The following FTO variants were observed in gnomAD, a reference collection of about 807,000 sequenced individuals.
FTO encodes alpha-ketoglutarate-dependent dioxygenase FTO.
FTO carries 47 observed loss-of-function variants against 63.9 expected under a neutral mutation model. That is an observed-to-expected ratio of 0.74 (90% confidence interval 0.58 to 0.94). The LOEUF (loss-of-function observed/expected upper bound fraction) is 0.94. Ranked by LOEUF, FTO falls within the 40% of genes least tolerant of loss-of-function variation. FTO has a pLI of 0.00. For missense variants in FTO, 562 were observed against 618.1 expected (o/e 0.91, Z 0.96); for synonymous variants, 207 against 224.4 (o/e 0.92, Z 0.69).
At chr16:53,946,507 G>T (rs1423572070) in intron 8 of FTO, among the ~76,000 whole-genome samples, 1 of 152,138 alleles carries the variant, frequency 6.6e-6, no homozygotes, top group Non-Finnish European at 1.5e-5. Flanking sequence ...TTTGCTTCCA[G>T]AATGTATGCT....
At chr16:53,934,704 T>A (rs751271549) in intron 8 of FTO, among the ~76,000 whole-genome samples, 1 of 152,194 alleles carries the variant, frequency 6.6e-6, no homozygotes, top group Non-Finnish European at 1.5e-5. Flanking sequence ...TAGGCAGTTG[T>A]AACACAACAA....
At position 53,728,514 on chromosome 16, in the gene FTO, T is replaced by C. The variant is rs143118089; in HGVS notation, c.45+24285T>C. 1.9e-4 allele frequency among the ~76,000 whole-genome samples: 29 copies of C among 152,302 alleles called. No individual in the cohort carries two copies. In the South Asian group the frequency reaches 4.4e-3, roughly 23 times the overall value. ...TGGTCTAAGTTCTAGGATACAGCCA[T>C]GAACTAGATAGGTATCATTTGGCTA... On this transcript the variant is annotated intron_variant, in intron 1 of 8. Coordinates refer to ENST00000471389, the MANE Select transcript of FTO (RefSeq NM_001080432.3).
chr16:53,924,358 C>T (rs1411023514), intron 7 of FTO, among the ~76,000 whole-genome samples: 1 of 152,144 alleles, frequency 6.6e-6, no homozygotes, highest in African/African-American at 2.4e-5. Flanking sequence ...CCCCTTAGCT[C>T]AATAGTACAT....
At chr16:54,071,211 G>A (rs2085859171) in intron 8 of FTO, 1 of 152,220 alleles carries the variant, frequency 6.6e-6, no homozygotes, top group African/African-American at 2.4e-5. Context: ...ACAGAAGGGT[G>A]AGGATGAGTT....
intron 1 of FTO, among the ~76,000 whole-genome samples, chr16:53,751,407 G>A (rs2076790342): frequency 6.6e-6 from 1 of 151,964 alleles, no homozygotes; most frequent in Non-Finnish European, 1.5e-5. Flanking sequence ...GCAGTGAGCT[G>A]AGATCATGCC....
intron 7 of FTO, among the ~76,000 whole-genome samples, chr16:53,905,791 A>G (rs1463916865): frequency 6.6e-6 from 1 of 152,208 alleles, no homozygotes; most frequent in Non-Finnish European, 1.5e-5. Flanking sequence ...AAACAAAGTC[A>G]TAACACAACA....
At chr16:53,737,492 A>G (rs1383265512) in intron 1 of FTO, among the ~76,000 whole-genome samples, 2 of 152,242 alleles carry the variant, frequency 1.3e-5, no homozygotes, top group African/African-American at 2.4e-5. Context: ...AGGCAATTGT[A>G]GCACAATGGT....
intron 7 of FTO, among the ~76,000 whole-genome samples, chr16:53,910,217 T>G (rs2081653202): frequency 6.6e-6 from 1 of 152,024 alleles, no homozygotes; most frequent in South Asian, 2.1e-4. Context: ...GTACTTCCGG[T>G]ACCTAGGTGG....
chr16:53,879,797 AACTTAG>A (rs1438187175), intron 5 of FTO, 41 bp from the exon 6 acceptor site: 1 of 1,611,666 alleles, frequency 6.2e-7, no homozygotes, highest in South Asian at 1.1e-5. Context: ...TGGTAGAGTA[AACTTAG>A]ATTTTGCCCA....
intron 6 of FTO, chr16:53,886,864 C>T (rs2081011828): frequency 6.6e-6 from 1 of 152,088 alleles, no homozygotes; most frequent in African/African-American, 2.4e-5. Flanking sequence ...ATAATAGCTC[C>T]ATGTCTATAT....
chr16:53,911,175 A>C, intron 7 of FTO: 1 of 553,962 alleles, frequency 1.8e-6, no homozygotes, highest in East Asian at 2.9e-5. Context: ...ATGTTAACTC[A>C]GGCTTGAAAG....
chr16:53,790,397 G>A (rs1227085875), intron 1 of FTO, among the ~76,000 whole-genome samples: 1 of 151,804 alleles, frequency 6.6e-6, no homozygotes, highest in Non-Finnish European at 1.5e-5. Flanking sequence ...TTTTGTGGCT[G>A]GCTAGTGACG....
rs116551543 is a variant in FTO at position 53,927,035 on chromosome 16, G to C, written c.1240-6950G>C. On this transcript the variant is annotated intron_variant, in intron 7 of 8. Coordinates refer to ENST00000471389, the MANE Select transcript of FTO (RefSeq NM_001080432.3). ...CGAAAGCCTAAAAACCACTATTATA[G>C]GTGATGCTGAATTATTTAAGAGGAA... Among the ~76,000 whole-genome samples, 684 of 152,244 alleles carry C rather than the reference G, an allele frequency of 4.5e-3. 2 individuals are homozygous for C. The highest frequency in any genetic ancestry group is 0.016 in the African/African-American group (655 of 41,520).
chr16:54,080,188 A>G (rs1417963004), intron 8 of FTO, among the ~76,000 whole-genome samples: 1 of 152,166 alleles, frequency 6.6e-6, no homozygotes, highest in African/African-American at 2.4e-5. Flanking sequence ...GGCATTCAAG[A>G]CCAGCCTGGT....
intron 8 of FTO, among the ~76,000 whole-genome samples, chr16:54,079,731 G>A (rs1311226843): frequency 3.3e-5 from 5 of 152,136 alleles, no homozygotes; most frequent in Non-Finnish European, 5.9e-5. Context: ...AAACTGGAAC[G>A]TGTATGTCCT....
At chr16:53,756,269 C>A (rs1861869) in intron 1 of FTO, among the ~76,000 whole-genome samples, 1 of 151,934 alleles carries the variant, frequency 6.6e-6, no homozygotes, top group Non-Finnish European at 1.5e-5. Flanking sequence ...TCTTCATGGC[C>A]TTCTGTAATA....
At chr16:54,004,032 A>G (rs1030027810) in intron 8 of FTO, among the ~76,000 whole-genome samples, 1 of 152,156 alleles carries the variant, frequency 6.6e-6, no homozygotes, top group Non-Finnish European at 1.5e-5. Context: ...ATGACACTCC[A>G]TGTTTTTCAA....
chr16:54,009,768 C>G (rs1202275012), intron 8 of FTO, among the ~76,000 whole-genome samples: 1 of 152,140 alleles, frequency 6.6e-6, no homozygotes, highest in African/African-American at 2.4e-5. Flanking sequence ...ACGCATCTGG[C>G]TTTTCTGCTT....
chr16:54,099,859 G>T (rs200296584), intron 8 of FTO, among the ~76,000 whole-genome samples: 2 of 152,120 alleles, frequency 1.3e-5, no homozygotes, highest in African/African-American at 2.4e-5. Flanking sequence ...CCAAGTTGCC[G>T]CTCTACAGGA....
Sources: gnomAD v4.1 joint callset for allele counts (sites outside exome capture counted in the v4.1 genomes callset) on GRCh38, gnomAD v4.1.1 for gene constraint, MANE v1.5 for transcripts, NCBI Gene and HGNC (gene_info 2026-07-23, HGNC 2026-07-21) for gene names.